Variants in SULF1 observed in about 807,000 individuals in gnomAD.
The protein encoded by SULF1 is sulfatase 1, also known as extracellular sulfatase Sulf-1.
SULF1 carries 46 observed loss-of-function variants against 110.5 expected under a neutral mutation model. The observed-to-expected ratio is 0.42, with a 90% confidence interval of 0.33 to 0.53. The LOEUF is 0.53. SULF1 is among the 20% of genes least tolerant of loss of function. SULF1 has a pLI of 0.12. For missense variants in SULF1, 941 were observed against 1,094.2 expected (o/e 0.86, Z 1.98); for synonymous variants, 371 against 387.1 (o/e 0.96, Z 0.49).
At chr8:69,477,794 T>C (rs1393577980) in intron 1 of SULF1, among the ~76,000 whole-genome samples, 1 of 152,178 alleles carries the variant, frequency 6.6e-6, no homozygotes, top group Non-Finnish European at 1.5e-5. Context: ...TAGATGGCAT[T>C]ATTCTCCTTC....
chr8:69,468,681 G>A (rs1048629899), intron 1 of SULF1, among the ~76,000 whole-genome samples: 2 of 152,150 alleles, frequency 1.3e-5, no homozygotes, highest in Non-Finnish European at 2.9e-5. Context: ...AGACAGAAAG[G>A]CAAGCTAATA....
At chr8:69,606,113 C>T (rs188770964) in intron 13 of SULF1, among the ~76,000 whole-genome samples, 8 of 152,250 alleles carry the variant, frequency 5.3e-5, no homozygotes, top group African/African-American at 9.6e-5. Context: ...ACTCATTATA[C>T]GCTTATTATA....
chr8:69,517,703 AGAG>A (rs1812028371), intron 3 of SULF1, among the ~76,000 whole-genome samples: 2 of 152,204 alleles, frequency 1.3e-5, no homozygotes, highest in African/African-American at 4.8e-5. Flanking sequence ...ATAGAAAATA[AGAG>A]AAAAAGTATC....
chr8:69,548,931 T>TAC (rs1288332559), intron 3 of SULF1, among the ~76,000 whole-genome samples: 1 of 151,984 alleles, frequency 6.6e-6, no homozygotes, highest in Non-Finnish European at 1.5e-5. Flanking sequence ...CCCACACACA[T>TAC]ACACACACAC....
intron 3 of SULF1, among the ~76,000 whole-genome samples, chr8:69,508,947 C>T (rs2150585195): frequency 2.6e-5 from 4 of 152,232 alleles, no homozygotes; most frequent in African/African-American, 7.2e-5. Context: ...TATAATGACT[C>T]ATAGGATTCT....
chr8:69,537,497 T>C (rs1813506563), intron 3 of SULF1, among the ~76,000 whole-genome samples: 1 of 152,220 alleles, frequency 6.6e-6, no homozygotes, highest in Non-Finnish European at 1.5e-5. Context: ...GAGTATACCA[T>C]ATTAAATAGA....
At chr8:69,622,128 G>T (rs1809660179) in intron 14 of SULF1, among the ~76,000 whole-genome samples, 1 of 152,212 alleles carries the variant, frequency 6.6e-6, no homozygotes, top group Non-Finnish European at 1.5e-5. Flanking sequence ...TGTTTTCCAT[G>T]TGTATATGGA....
At chr8:69,513,356 G>T (rs968464629) in intron 3 of SULF1, among the ~76,000 whole-genome samples, 1 of 152,208 alleles carries the variant, frequency 6.6e-6, no homozygotes, top group Non-Finnish European at 1.5e-5. Flanking sequence ...GAACCTCTGG[G>T]CTGGCATCTG....
At chr8:69,558,745 A>G (rs577660233) in intron 3 of SULF1, among the ~76,000 whole-genome samples, 2 of 152,206 alleles carry the variant, frequency 1.3e-5, no homozygotes, top group Admixed American at 6.5e-5. Context: ...CAATTCTCAA[A>G]CCCTTTGGTT....
At chr8:69,589,752 G>A (rs1415437309) in intron 8 of SULF1, among the ~76,000 whole-genome samples, 1 of 152,092 alleles carries the variant, frequency 6.6e-6, no homozygotes, top group Non-Finnish European at 1.5e-5. Context: ...GGAGGGATGA[G>A]ACAGAACAAA....
chr8:69,511,524 G>C (rs1345427634), intron 3 of SULF1, among the ~76,000 whole-genome samples: 2 of 152,188 alleles, frequency 1.3e-5, no homozygotes, highest in Non-Finnish European at 2.9e-5. Context: ...GAGTAAAATA[G>C]ATCTGCCTCA....
chr8:69,626,916 C>T (rs1015189913), intron 15 of SULF1, among the ~76,000 whole-genome samples: 1 of 152,238 alleles, frequency 6.6e-6, no homozygotes, highest in Non-Finnish European at 1.5e-5. Context: ...GAAAGGGGCT[C>T]CCACAGTGCA....
At chr8:69,481,562 G>C (rs1809522963) in intron 1 of SULF1, among the ~76,000 whole-genome samples, 1 of 152,048 alleles carries the variant, frequency 6.6e-6, no homozygotes, top group African/African-American at 2.4e-5. Context: ...CCATCACCCA[G>C]GTATTAAGCC....
chr8:69,556,948 C>T (rs1409281848), intron 3 of SULF1, among the ~76,000 whole-genome samples: 4 of 152,216 alleles, frequency 2.6e-5, no homozygotes, highest in African/African-American at 7.2e-5. Context: ...CAGGCCCCAG[C>T]GTGTGCTGTT....
intron 3 of SULF1, among the ~76,000 whole-genome samples, chr8:69,552,367 G>A (rs1490058189): frequency 6.6e-6 from 1 of 152,084 alleles, no homozygotes; most frequent in Non-Finnish European, 1.5e-5. Flanking sequence ...AAGTTGTCAA[G>A]GAATTTTAAA....
At chr8:69,498,114 CACACACA>C (rs1408656455) in intron 2 of SULF1, among the ~76,000 whole-genome samples, 12 of 11,262 alleles carry the variant, frequency 1.1e-3, no homozygotes, top group Admixed American at 1.2e-3. Flanking sequence ...TCTCTCTCTC[CACACACA>C]CACACACACA....
intron 6 of SULF1, among the ~76,000 whole-genome samples, chr8:69,582,300 T>G (rs1806125578): frequency 6.6e-6 from 1 of 152,174 alleles, no homozygotes; most frequent in African/African-American, 2.4e-5. Context: ...AAGAGATATT[T>G]TCAAGTGCAC....
intron 15 of SULF1, among the ~76,000 whole-genome samples, chr8:69,626,872 G>C (rs942649253): frequency 4.6e-5 from 7 of 152,376 alleles, no homozygotes; most frequent in Non-Finnish European, 7.3e-5. Context: ...CTCCCTGCAA[G>C]CTGAGGGAGC....
rs1242268650 is a variant in SULF1, at chr8:69,603,201, G to A, written c.1071G>A (p.Gln357=). The A allele has an allele frequency of 6.2e-7, 1 of 1,614,164 alleles. No homozygotes were observed. ...GTGTGCCCCTTTACAGAGTCCCACA[G>A]ATCGTTCTCAACATTGACTTGGCCC... ...PSVEPGSIVP[Q]IVLNIDLAPT... Residue 357 remains glutamine, a synonymous_variant, in exon 11 of 23, where the codon CAG becomes CAA. Transcript: ENST00000402687.
Sources: gnomAD v4.1 joint callset for allele counts (sites outside exome capture counted in the v4.1 genomes callset) on GRCh38, gnomAD v4.1.1 for gene constraint, MANE v1.5 for transcripts, NCBI Gene and HGNC (gene_info 2026-07-23, HGNC 2026-07-21) for gene names.